TRIP12: variants seen among roughly 807,000 people sequenced by gnomAD.
TRIP12 encodes the protein thyroid hormone receptor interactor 12.
Under a neutral mutation model 244.2 loss-of-function variants are expected in TRIP12, and 25 were observed. The observed-to-expected ratio is 0.10, with a 90% CI of 0.07 to 0.14. TRIP12 has a LOEUF of 0.14. TRIP12 is among the 10% of genes least tolerant of loss of function. TRIP12 has a pLI of 1.00. For missense variants in TRIP12, 1,677 were observed against 2,486.4 expected, an observed-to-expected ratio of 0.67 and a Z score of 6.92; for synonymous variants, 905 against 873.1, an observed-to-expected ratio of 1.04 and a Z score of -0.64.
Position 229,804,247 on chromosome 2 carries a change from T to C in TRIP12, c.2651-20A>G, listed in dbSNP as rs575701742. 7.7e-6 allele frequency: 12 copies of C among 1,563,194 alleles called. No homozygotes were observed. In the East Asian group the frequency reaches 1.6e-4, roughly 20 times the overall value. On this transcript the variant is annotated intron_variant, in intron 18 of 41. Transcript: ENST00000675903. Reference sequence around the variant, plus strand: ...ATCCACCTATTACATTAAAAAAAAATATATGTGCAATCCTGAAGTGACAGA... The same window carrying C: ...ATCCACCTATTACATTAAAAAAAAACATATGTGCAATCCTGAAGTGACAGA...
In TRIP12 at chr2:229,765,426, G is replaced by C. The variant is rs575241926; in HGVS notation, c.*2128C>G. 1 of 152,266 alleles carries C rather than the reference G, an allele frequency of 6.6e-6. No homozygotes were observed. The highest frequency in any genetic ancestry group is 1.9e-4 in the East Asian group (1 of 5,182). 9.4% of individuals were successfully genotyped at this position (152,266 alleles called of 1,614,324 possible). The stretch of plus-strand genomic sequence containing the variant: ...CTGCCCCAAATTAACCAAAGGTCCC[G>C]TGTATTGAAGGAGGAATAAGCTAAA... On this transcript the variant is annotated 3_prime_UTR_variant, in exon 42 of 42. Transcript: ENST00000675903.
intron 2 of TRIP12, among the ~76,000 whole-genome samples, chr2:229,877,561 T>C (rs2063843152): frequency 6.6e-6 from 1 of 152,124 alleles, no homozygotes; most frequent in Non-Finnish European, 1.5e-5. Context: ...AATTTTTTAA[T>C]CTACATAACA....
At chr2:229,841,150 G>A (rs2056333129) in intron 4 of TRIP12, among the ~76,000 whole-genome samples, 1 of 152,084 alleles carries the variant, frequency 6.6e-6, no homozygotes. Flanking sequence ...GCCCAACCTT[G>A]ACCCAAGCTA....
At chr2:229,890,700 T>C (rs1042151807) in intron 1 of TRIP12, among the ~76,000 whole-genome samples, 1 of 152,206 alleles carries the variant, frequency 6.6e-6, no homozygotes, top group Non-Finnish European at 1.5e-5. Flanking sequence ...AGATCATGCA[T>C]TTCAGAGTAA....
chr2:229,847,443 T>A (rs2154320367), intron 4 of TRIP12, among the ~76,000 whole-genome samples: 1 of 152,328 alleles, frequency 6.6e-6, no homozygotes, highest in South Asian at 2.1e-4. Flanking sequence ...GACAGAAGAC[T>A]TAACACACAT....
intron 30 of TRIP12, 148 bp from the exon 31 acceptor site, chr2:229,789,910 A>G (rs2041011174): frequency 1.2e-6 from 1 of 837,812 alleles, no homozygotes; most frequent in Admixed American, 2.9e-5. Flanking sequence ...TAAGTTTGAC[A>G]ATCTTCCCAT....
chr2:229,837,871 C>T (rs1041933456), intron 5 of TRIP12, among the ~76,000 whole-genome samples: 2 of 151,996 alleles, frequency 1.3e-5, no homozygotes, highest in Non-Finnish European at 1.5e-5. Flanking sequence ...AAAGAATGAC[C>T]ACTTATTTCT....
At chr2:229,836,780 C>A in intron 6 of TRIP12, 68 bp downstream of exon 6, 7 of 1,515,702 alleles carry the variant, frequency 4.6e-6, no homozygotes, top group Non-Finnish European at 6.2e-6. Context: ...TAGCATACTT[C>A]CCTCCCTCTG....
intron 34 of TRIP12, among the ~76,000 whole-genome samples, chr2:229,779,896 G>A (rs574516448): frequency 6.6e-6 from 1 of 152,190 alleles, no homozygotes; most frequent in African/African-American, 2.4e-5. Flanking sequence ...ATCTGTCAAG[G>A]TCCCGCCAGA....
chr2:229,891,124 T>C (rs1452632790), intron 1 of TRIP12, among the ~76,000 whole-genome samples: 2 of 151,806 alleles, frequency 1.3e-5, no homozygotes, highest in East Asian at 3.9e-4. Flanking sequence ...TACAAAATAT[T>C]TAAAAATTAG....
At chr2:229,852,808 G>C (rs1488942350) in intron 4 of TRIP12, among the ~76,000 whole-genome samples, 2 of 152,196 alleles carry the variant, frequency 1.3e-5, no homozygotes, top group African/African-American at 4.8e-5. Context: ...AATTGACTAA[G>C]CAGCACAATA....
At chr2:229,771,664 C>T (rs760496399) in intron 38 of TRIP12, 32 bp from the exon 39 acceptor site, 2 of 1,525,356 alleles carry the variant, frequency 1.3e-6, no homozygotes, top group Non-Finnish European at 1.8e-6. Context: ...AAAACTGTGA[C>T]AAGATTTCAA....
intron 2 of TRIP12, 43 bp downstream of exon 2, chr2:229,879,939 C>A: frequency 6.2e-7 from 1 of 1,604,244 alleles, no homozygotes; most frequent in Non-Finnish European, 8.5e-7. Context: ...AATATTTTTT[C>A]TTTTATTCCC....
intron 4 of TRIP12, among the ~76,000 whole-genome samples, chr2:229,844,276 T>C (rs1422763718): frequency 6.6e-6 from 1 of 152,232 alleles, no homozygotes. Context: ...TATTTAATGA[T>C]TCCAATCTCA....
At chr2:229,784,718 A>G (rs1048988295) in intron 34 of TRIP12, among the ~76,000 whole-genome samples, 2 of 152,204 alleles carry the variant, frequency 1.3e-5, no homozygotes, top group African/African-American at 2.4e-5. Flanking sequence ...AATAAAAATT[A>G]AAACCACCAT....
At chr2:229,908,828 A>T (rs938416999) in intron 1 of TRIP12, among the ~76,000 whole-genome samples, 4 of 152,120 alleles carry the variant, frequency 2.6e-5, no homozygotes, top group Admixed American at 1.3e-4. Flanking sequence ...ATGATGGCTC[A>T]TGCCTGTAAT....
intron 1 of TRIP12, among the ~76,000 whole-genome samples, chr2:229,911,784 T>A (rs1207317260): frequency 6.6e-6 from 1 of 152,184 alleles, no homozygotes; most frequent in African/African-American, 2.4e-5. Flanking sequence ...GAATATTTTA[T>A]TAGAATATTT....
At chr2:229,812,970 T>A (rs1559577398) in intron 13 of TRIP12, among the ~76,000 whole-genome samples, 1 of 151,620 alleles carries the variant, frequency 6.6e-6, no homozygotes, top group African/African-American at 2.4e-5. Context: ...TCTCTGTAGC[T>A]AAAAAAAAAT....
At chr2:229,838,988 C>T (rs1371804449) in intron 5 of TRIP12, among the ~76,000 whole-genome samples, 3 of 152,150 alleles carry the variant, frequency 2.0e-5, no homozygotes, top group Admixed American at 6.5e-5. Flanking sequence ...AGTGGGAAAA[C>T]GTAAGCTAAA....
Sources: allele counts gnomAD v4.1 joint callset (sites outside exome capture counted in the v4.1 genomes callset), GRCh38; gene constraint gnomAD v4.1.1; transcripts MANE v1.5; gene names NCBI Gene and HGNC (gene_info 2026-07-23, HGNC 2026-07-21).